Variants in SYT1 observed in about 807,000 individuals in gnomAD.
The protein encoded by SYT1 is synaptotagmin-1.
A neutral mutation model predicts 44.8 loss-of-function variants in SYT1; 8 were observed. That is an observed-to-expected ratio of 0.18 (90% CI 0.10 to 0.32). SYT1 has a LOEUF of 0.32. Ranked by LOEUF, SYT1 falls within the 10% of genes least tolerant of loss-of-function variation. The pLI is 1.00. For synonymous variants in SYT1, 154 were observed against 188.8 expected, an observed-to-expected ratio of 0.82 and a Z score of 1.51; for missense variants, 286 against 509.3, an observed-to-expected ratio of 0.56 and a Z score of 4.22.
intron 9 of SYT1, among the ~76,000 whole-genome samples, chr12:79,407,256 T>G (rs920699097): frequency 6.6e-6 from 1 of 152,024 alleles, no homozygotes; most frequent in Non-Finnish European, 1.5e-5. Context: ...ATTATTTGAG[T>G]GAAACAAACT....
In SYT1 at chr12:79,189,488, T is replaced by C. The variant is rs563525336; in HGVS notation, c.-17-28015T>C. Among the ~76,000 whole-genome samples, 7 of 152,310 alleles carry C rather than the reference T, an allele frequency of 4.6e-5. 1 individual carries two copies. The highest frequency in any genetic ancestry group is 1.4e-4 in the African/African-American group (6 of 41,592). On this transcript the variant is annotated intron_variant, in intron 3 of 10. Coordinates refer to ENST00000261205, the MANE Select transcript of SYT1 (RefSeq NM_005639.3). ...GAACAATTCCCAAATATTTGTATAATAGCTGACATTTTATTAAGTGTTTAT... is the reference window on the plus strand; with the variant it reads ...GAACAATTCCCAAATATTTGTATAACAGCTGACATTTTATTAAGTGTTTAT...
rs1336665903 is a variant in SYT1 at position 79,304,507 on chromosome 12, A to AT, written c.810+4960dup. Among the ~76,000 whole-genome samples the AT allele has an allele frequency of 7.2e-5, 11 of 152,264 alleles. No homozygotes were observed. The South Asian group carries it at 1.2e-3, about 17-fold the overall frequency. ...TTTTTGGTTTTGAAAATGATAATAGATTTTGTCTCAACAACTTTTGTTTGT... is the reference window on the plus strand; with the variant it reads ...TTTTTGGTTTTGAAAATGATAATAGATTTTTGTCTCAACAACTTTTGTTTGT... On this transcript the variant is annotated intron_variant, in intron 8 of 10. Coordinates refer to ENST00000261205, the MANE Select transcript of SYT1 (RefSeq NM_005639.3).
intron 1 of SYT1, among the ~76,000 whole-genome samples, chr12:78,950,060 C>G (rs751784289): frequency 1.3e-5 from 2 of 151,828 alleles, no homozygotes; most frequent in Admixed American, 6.6e-5. Flanking sequence ...AAAGTAAAAG[C>G]CTCCCTGGAA....
chr12:79,246,816 T>A (rs1876877090), intron 4 of SYT1, among the ~76,000 whole-genome samples: 2 of 152,228 alleles, frequency 1.3e-5, no homozygotes, highest in Admixed American at 1.3e-4. Context: ...GTTAATTCTA[T>A]CTGGAATCAT....
chr12:79,404,038 A>T (rs180993575), intron 9 of SYT1, among the ~76,000 whole-genome samples: 1 of 152,296 alleles, frequency 6.6e-6, no homozygotes, highest in African/African-American at 2.4e-5. Context: ...CCTTGGATCT[A>T]TTTTACTCTT....
In SYT1 at chr12:79,100,675, T is replaced by C. The variant is rs117414095; in HGVS notation, c.-18+53313T>C. 8.0e-3 allele frequency among the ~76,000 whole-genome samples: 1,224 copies of C among 152,312 alleles called. 7 individuals are homozygous for C. The highest frequency in any genetic ancestry group is 0.012 in the Non-Finnish European group (788 of 68,018). ...TTCCCTATAATAAGAGAATGAATGA[T>C]CATGTATTGCTCTTATAGTCAGAAA... On this transcript the variant is annotated intron_variant, in intron 3 of 10. Coordinates refer to ENST00000261205, the MANE Select transcript of SYT1 (RefSeq NM_005639.3).
intron 9 of SYT1, among the ~76,000 whole-genome samples, chr12:79,415,714 A>G (rs1183913040): frequency 6.6e-6 from 1 of 152,202 alleles, no homozygotes; most frequent in Non-Finnish European, 1.5e-5. Context: ...AACCTATAAC[A>G]TAATTCCTAT....
chr12:79,043,144 G>A lies in SYT1; in HGVS notation c.-83-4153G>A, dbSNP rs989470788. Among the ~76,000 whole-genome samples, 292 of 150,808 alleles carry A rather than the reference G, an allele frequency of 1.9e-3. 1 individual carries two copies. The highest frequency in any genetic ancestry group is 3.3e-3 in the Non-Finnish European group (221 of 67,732). On this transcript the variant is annotated intron_variant, in intron 2 of 10. Transcript: ENST00000261205. Reference sequence around the variant, plus strand: ...GGTTCTGTAGATGTCTATTAGGTCCGCTTGGTGCAGAGCTGAGTTCAATTC... The same window carrying A: ...GGTTCTGTAGATGTCTATTAGGTCCACTTGGTGCAGAGCTGAGTTCAATTC...
At chr12:79,317,565 G>A (rs761611573) in intron 8 of SYT1, among the ~76,000 whole-genome samples, 55 of 152,100 alleles carry the variant, frequency 3.6e-4, no homozygotes, top group South Asian at 1.5e-3. Flanking sequence ...GGGAGAACCC[G>A]GGGCACACAA....
chr12:79,416,491 T>C (rs1868747472), intron 9 of SYT1, among the ~76,000 whole-genome samples: 1 of 152,200 alleles, frequency 6.6e-6, no homozygotes, highest in African/African-American at 2.4e-5. Context: ...TTCATATTAT[T>C]GTAGTAAAAT....
At chr12:79,351,726 A>G (rs896974244) in intron 8 of SYT1, among the ~76,000 whole-genome samples, 1 of 152,142 alleles carries the variant, frequency 6.6e-6, no homozygotes, top group South Asian at 2.1e-4. Flanking sequence ...CTCCTGTTGT[A>G]TAAATTAATT....
chr12:79,413,886 T>C (rs1198699290), intron 9 of SYT1, among the ~76,000 whole-genome samples: 2 of 152,126 alleles, frequency 1.3e-5, no homozygotes, highest in Non-Finnish European at 2.9e-5. Flanking sequence ...AATCAAAAAT[T>C]AAATATTGAA....
chr12:79,341,966 C>T (rs180764375), intron 8 of SYT1, among the ~76,000 whole-genome samples: 8 of 152,038 alleles, frequency 5.3e-5, no homozygotes, highest in East Asian at 1.9e-4. Context: ...ACTAAGTAAA[C>T]GGGAGGGTGG....
chr12:79,014,311 C>G (rs1052508622), intron 2 of SYT1, among the ~76,000 whole-genome samples: 3 of 152,058 alleles, frequency 2.0e-5, no homozygotes, highest in Admixed American at 1.3e-4. Context: ...GATTCCCAGT[C>G]TTTTCAAATA....
At chr12:79,423,780 C>G (rs1869263597) in intron 9 of SYT1, among the ~76,000 whole-genome samples, 1 of 151,716 alleles carries the variant, frequency 6.6e-6, no homozygotes, top group Non-Finnish European at 1.5e-5. Context: ...AATCTAGTCC[C>G]TCTCCTAAAT....
At chr12:79,054,449 A>G (rs12315100) in intron 3 of SYT1, among the ~76,000 whole-genome samples, 30,844 of 151,936 alleles carry the variant, frequency 0.2, 3,518 homozygotes, top group East Asian at 0.31. Flanking sequence ...GATTATAGCC[A>G]TAAGTATAAA....
chr12:79,116,014 C>A (rs759347338), intron 3 of SYT1, among the ~76,000 whole-genome samples: 2 of 152,178 alleles, frequency 1.3e-5, no homozygotes, highest in Non-Finnish European at 2.9e-5. Context: ...AACCTTTGAA[C>A]TTAGATATTT....
At chr12:78,912,741 T>G (rs551006018) in intron 1 of SYT1, among the ~76,000 whole-genome samples, 67 of 152,046 alleles carry the variant, frequency 4.4e-4, no homozygotes, top group African/African-American at 1.6e-3. Context: ...TTGGGCATCA[T>G]GTGTTGGTAG....
chr12:79,332,000 T>C (rs1207655160), intron 8 of SYT1, among the ~76,000 whole-genome samples: 1 of 152,118 alleles, frequency 6.6e-6, no homozygotes, highest in African/African-American at 2.4e-5. Context: ...GGAGGAAAAT[T>C]GTCGTAGTTT....
Sources: gnomAD v4.1 joint callset for allele counts (sites outside exome capture counted in the v4.1 genomes callset) on GRCh38, gnomAD v4.1.1 for gene constraint, MANE v1.5 for transcripts, NCBI Gene and HGNC (gene_info 2026-07-23, HGNC 2026-07-21) for gene names.